The following ARPC1A variants were observed in gnomAD, a reference collection of about 807,000 sequenced individuals.
The protein encoded by ARPC1A is actin-related protein 2/3 complex subunit 1A.
ARPC1A carries 8 observed loss-of-function variants against 46.9 expected under a neutral mutation model. That is an observed-to-expected ratio of 0.17 (90% CI 0.10 to 0.31). The LOEUF is 0.31. ARPC1A is among the 10% of genes least tolerant of loss of function. The pLI is 1.00. For missense variants in ARPC1A, 286 were observed against 483.6 expected (o/e 0.59, Z 3.83); for synonymous variants, 152 against 169.0 (o/e 0.90, Z 0.78).
intron 5 of ARPC1A, among the ~76,000 whole-genome samples, chr7:99,351,533 T>C (rs1176798760): frequency 3.9e-5 from 6 of 152,190 alleles, no homozygotes; most frequent in Admixed American, 6.6e-5. Context: ...CCTGTGGGTA[T>C]GGGTCTGTCC....
intron 5 of ARPC1A, among the ~76,000 whole-genome samples, chr7:99,349,701 G>A (rs185220822): frequency 3.9e-5 from 6 of 152,122 alleles, no homozygotes; most frequent in East Asian, 3.9e-4. Flanking sequence ...TTAGCCGGGC[G>A]TGGTGGCGGG....
In ARPC1A at chr7:99,362,816, A is replaced by G. The variant is rs1333322453; in HGVS notation, c.984-727A>G. ...GGATGATTGTCTTGAAAGCTTCCAG[A>G]TAATTAGGCTAAGACAAGTTGTTTC... On this transcript the variant is annotated intron_variant, in intron 8 of 9. Transcript: ENST00000262942. 3.3e-5 allele frequency among the ~76,000 whole-genome samples: 5 copies of G among 152,186 alleles called. No individual in the cohort carries two copies. The East Asian group carries it at 9.7e-4, about 29-fold the overall frequency.
intron 4 of ARPC1A, among the ~76,000 whole-genome samples, chr7:99,344,920 C>CTTTTTTTTTTTTTTTTTTTTTT (rs1172071932): frequency 5.0e-5 from 1 of 20,108 alleles, no homozygotes; most frequent in African/African-American, 2.2e-4. Context: ...TAACAATGTT[C>CTTTTTTTTTTTTTTTTTTTTTT]TTTTTTTTTT....
intron 6 of ARPC1A, among the ~76,000 whole-genome samples, chr7:99,356,071 A>C (rs1793623761): frequency 6.6e-6 from 1 of 152,118 alleles, no homozygotes; most frequent in African/African-American, 2.4e-5. Flanking sequence ...TCTTTTATAA[A>C]TCTTTGTTCT....
chr7:99,350,250 T>C (rs1793525451), intron 5 of ARPC1A, among the ~76,000 whole-genome samples: 1 of 152,178 alleles, frequency 6.6e-6, no homozygotes, highest in Admixed American at 6.6e-5. Flanking sequence ...TCTCTGTCTC[T>C]TTCTTACCAT....
chr7:99,361,145 G>A (rs977646306), intron 8 of ARPC1A, among the ~76,000 whole-genome samples: 2 of 152,076 alleles, frequency 1.3e-5, no homozygotes, highest in African/African-American at 4.8e-5. Context: ...TGCAGGTTGT[G>A]CTTCATCTTC....
At chr7:99,331,326 C>T (rs956501214) in intron 1 of ARPC1A, among the ~76,000 whole-genome samples, 1 of 151,700 alleles carries the variant, frequency 6.6e-6, no homozygotes, top group Non-Finnish European at 1.5e-5. Context: ...GGCCAGAAGA[C>T]GGAGGCTGCA....
intron 9 of ARPC1A, among the ~76,000 whole-genome samples, chr7:99,365,630 AG>A (rs1793825368): frequency 6.7e-6 from 1 of 149,406 alleles, no homozygotes; most frequent in South Asian, 2.1e-4. Context: ...AAAAAAAAAA[AG>A]AGGAGTGAGG....
chr7:99,363,078 A>G (rs1393524730), intron 8 of ARPC1A, among the ~76,000 whole-genome samples: 2 of 152,178 alleles, frequency 1.3e-5, no homozygotes, highest in Non-Finnish European at 2.9e-5. Flanking sequence ...GGTCCTACCC[A>G]CAACCTGCTC....
chr7:99,326,010 G>T lies in ARPC1A; in HGVS notation c.-30+6G>T, dbSNP rs1429949095. The T allele has an allele frequency of 1.3e-5, 2 of 152,396 alleles. No individual in the cohort carries two copies. Among genetic ancestry groups the T allele is most frequent in the South Asian group, 4.1e-4 (2 of 4,838 alleles). 9.4% of individuals were successfully genotyped at this position (152,396 alleles called of 1,614,324 possible). The stretch of plus-strand genomic sequence containing the variant: ...CCGGACTCCCCCGATCCCAGGTAAC[G>T]GCCAGCAGGGGCGAGCGTCTCACCC... On this transcript the variant is annotated splice_donor_region_variant and intron_variant, in intron 1 of 9. Coordinates refer to ENST00000262942, the MANE Select transcript of ARPC1A (RefSeq NM_006409.4).
intron 8 of ARPC1A, 106 bp downstream of exon 8, chr7:99,359,844 C>T (rs546976933): frequency 1.4e-5 from 18 of 1,296,082 alleles, no homozygotes; most frequent in South Asian, 5.1e-5. Flanking sequence ...CAGGCCCAGA[C>T]ATTCTTTCAG....
At chr7:99,334,004 TACACACACAC>T (rs547756931) in intron 2 of ARPC1A, among the ~76,000 whole-genome samples, 5 of 141,364 alleles carry the variant, frequency 3.5e-5, no homozygotes, top group South Asian at 2.2e-4. Context: ...TGTGTGTGTG[TACACACACAC>T]ACACACACAC....
intron 1 of ARPC1A, among the ~76,000 whole-genome samples, chr7:99,332,737 G>A (rs1793166055): frequency 6.8e-6 from 1 of 146,856 alleles, no homozygotes; most frequent in African/African-American, 2.5e-5. Flanking sequence ...AAGTAGCTGG[G>A]ACTACAGGCG....
At chr7:99,338,019 TA>T (rs527388694) in intron 2 of ARPC1A, among the ~76,000 whole-genome samples, 161 bp from the exon 3 acceptor site, 29 of 149,694 alleles carry the variant, frequency 1.9e-4, no homozygotes, top group East Asian at 1.8e-3. Flanking sequence ...AAGTAAAGGT[TA>T]AAAAAAAAAT....
At chr7:99,342,494 A>G (rs1285217188) in intron 3 of ARPC1A, among the ~76,000 whole-genome samples, 1 of 151,944 alleles carries the variant, frequency 6.6e-6, no homozygotes, top group Non-Finnish European at 1.5e-5. Context: ...GCAGTGAGCT[A>G]TGATCACGCC....
At chr7:99,363,676 T>C (rs774357294) in intron 9 of ARPC1A, 43 bp downstream of exon 9, 3 of 182,354 alleles carry the variant, frequency 1.6e-5, no homozygotes, top group Non-Finnish European at 2.6e-5. Context: ...GTGTTAAAAC[T>C]TTTTTTTTTT....
chr7:99,335,665 C>G (rs1268029511), intron 2 of ARPC1A, among the ~76,000 whole-genome samples: 1 of 152,088 alleles, frequency 6.6e-6, no homozygotes, highest in Non-Finnish European at 1.5e-5. Context: ...CTTTTTAAAG[C>G]ATTTCAGGGC....
chr7:99,354,106 C>A lies in ARPC1A; in HGVS notation c.698C>A (p.Ala233Asp). 6.2e-7 allele frequency: 1 copy of A among 1,613,574 alleles called. No individual in the cohort carries two copies. The highest frequency in any genetic ancestry group is 8.5e-7 in the Non-Finnish European group (1 of 1,179,670). The part of the protein sequence containing the change: ...SHDSTVSVAD[A>D]SKSVQVSTLK... ...GACAGCACCGTGTCTGTTGCTGATG[C>A]CTCAAAAAGTGTGCAGTGAGTATTT... The change falls in exon 6 of 10, where the codon GCC (alanine) becomes GAC (aspartate). Residue 233 changes from alanine to aspartate, a missense_variant. Physicochemically the swap from Ala to Asp is moderately radical, Grantham distance 126. Transcript: ENST00000262942.
intron 3 of ARPC1A, among the ~76,000 whole-genome samples, 187 bp downstream of exon 3, chr7:99,338,472 A>C (rs1584377024): frequency 7.8e-6 from 1 of 128,178 alleles, no homozygotes; most frequent in Non-Finnish European, 1.6e-5. Context: ...TGCAACCTCC[A>C]CCTCCCGGGT....
Sources: gnomAD v4.1 joint callset for allele counts (sites outside exome capture counted in the v4.1 genomes callset) on GRCh38, gnomAD v4.1.1 for gene constraint, MANE v1.5 for transcripts, NCBI Gene and HGNC (gene_info 2026-07-23, HGNC 2026-07-21) for gene names.